The following DIP2C variants were observed in gnomAD, a reference collection of about 807,000 sequenced individuals.
DIP2C encodes the protein disco-interacting protein 2 homolog C.
In DIP2C, 33 loss-of-function variants were observed where a neutral mutation model predicts 192.4. The observed-to-expected ratio is 0.17, with a 90% CI of 0.13 to 0.23. The LOEUF is 0.23. Among genes scored for constraint, DIP2C ranks in the 10% least tolerant of loss-of-function variants. The pLI is 1.00. For missense variants in DIP2C, 1,537 were observed against 2,110.1 expected (o/e 0.73, Z 5.32); for synonymous variants, 979 against 864.1 (o/e 1.13, Z -2.33).
intron 1 of DIP2C, chr10:650,766 G>T: frequency 1.5e-6 from 1 of 661,980 alleles, no homozygotes; most frequent in Non-Finnish European, 2.8e-6. Context: ...AGTTTAAGTT[G>T]TTTTCTGTAA....
At chr10:639,295 G>GCCA (rs1855020037) in intron 1 of DIP2C, among the ~76,000 whole-genome samples, 1 of 145,774 alleles carries the variant, frequency 6.9e-6, no homozygotes, top group African/African-American at 2.6e-5. Context: ...GACGCGTCAG[G>GCCA]TCGGGAGGGT....
chr10:359,351 C>A (rs572335834), intron 22 of DIP2C, among the ~76,000 whole-genome samples: 2 of 152,316 alleles, frequency 1.3e-5, no homozygotes, highest in East Asian at 3.9e-4. Context: ...CAGGAGAAGG[C>A]ACGGCACTTC....
chr10:387,872 A>G lies in DIP2C; in HGVS notation c.1598-63T>C. 5 of 1,519,860 alleles carry G rather than the reference A, an allele frequency of 3.3e-6. 1 individual carries two copies. In the Admixed American group the frequency reaches 8.4e-5, roughly 25 times the overall value. 94.1% of individuals were successfully genotyped at this position (1,519,860 alleles called of 1,614,324 possible). ...ACAGGGCGGCAACAGATCAAAATGC[A>G]AACAAAATCCAATATTGCATCAGGG... On this transcript the variant is annotated intron_variant, in intron 13 of 36. Coordinates refer to ENST00000280886, the MANE Select transcript of DIP2C (RefSeq NM_014974.3).
intron 1 of DIP2C, among the ~76,000 whole-genome samples, chr10:500,441 G>T (rs1434986528): frequency 1.3e-5 from 2 of 152,222 alleles, no homozygotes; most frequent in African/African-American, 4.8e-5. Flanking sequence ...GCTTTCACTT[G>T]GCCCTTGTTT....
intron 1 of DIP2C, among the ~76,000 whole-genome samples, chr10:639,428 T>C (rs1270569731): frequency 3.5e-5 from 5 of 144,524 alleles, no homozygotes; most frequent in African/African-American, 7.7e-5. Flanking sequence ...GGTCCACACA[T>C]GGGGACGCGT....
Position 286,361 on chromosome 10 carries a change from G to A in DIP2C, c.4045-14C>T, listed in dbSNP as rs1554804505. 3.1e-6 allele frequency: 5 copies of A among 1,613,032 alleles called. No individual in the cohort carries two copies. The highest frequency in any genetic ancestry group is 3.4e-6 in the Non-Finnish European group (4 of 1,179,004). On this transcript the variant is annotated splice_polypyrimidine_tract_variant and intron_variant, in intron 33 of 36. Coordinates refer to ENST00000280886, the MANE Select transcript of DIP2C (RefSeq NM_014974.3). Reference sequence around the variant, plus strand: ...CCCTGGAAGTATCTATTTGGGAGAGGAAAAGTCTCTTGTCAATGGGAGGAA... The same window carrying A: ...CCCTGGAAGTATCTATTTGGGAGAGAAAAAGTCTCTTGTCAATGGGAGGAA...
At chr10:431,702 T>C (rs1002985515) in intron 4 of DIP2C, among the ~76,000 whole-genome samples, 3 of 152,272 alleles carry the variant, frequency 2.0e-5, no homozygotes, top group Admixed American at 6.5e-5. Context: ...CAAAGTTTTA[T>C]TTCTCTTCCC....
chr10:299,466 G>C (rs1955916227), intron 32 of DIP2C, among the ~76,000 whole-genome samples: 1 of 152,198 alleles, frequency 6.6e-6, no homozygotes, highest in African/African-American at 2.4e-5. Flanking sequence ...TTGAAGAATA[G>C]TGTCCCTGCC....
At chr10:619,429 G>A (rs930222205) in intron 1 of DIP2C, among the ~76,000 whole-genome samples, 10 of 150,944 alleles carry the variant, frequency 6.6e-5, no homozygotes, top group Middle Eastern at 3.4e-3. Flanking sequence ...TGGTCCTTAT[G>A]GCACCCACCA....
rs924890396 is a variant in DIP2C, at chr10:649,892, T to C, written c.85+39602A>G. The C allele has an allele frequency of 5.6e-5, 32 of 574,134 alleles. 1 individual carries two copies. In the African/African-American group the frequency reaches 5.8e-4, roughly 10 times the overall value. The allele number at this position is 574,134 out of a possible 1,614,324, so 35.6% of individuals were successfully genotyped here. On this transcript the variant is annotated intron_variant, in intron 1 of 36. Coordinates refer to ENST00000280886, the MANE Select transcript of DIP2C (RefSeq NM_014974.3). ...ATCAAACAGGTGCATGGTCCCCTTG[T>C]GGGGGGGTGCCCGTCACCTGCGTCC... is the stretch of plus-strand genomic sequence containing the variant.
At chr10:613,984 A>G (rs1853272515) in intron 1 of DIP2C, among the ~76,000 whole-genome samples, 2 of 152,116 alleles carry the variant, frequency 1.3e-5, no homozygotes, top group South Asian at 4.2e-4. Context: ...CACATACAGG[A>G]CCAGGAAACC....
intron 1 of DIP2C, among the ~76,000 whole-genome samples, chr10:580,293 A>G (rs190541786): frequency 6.6e-6 from 1 of 152,176 alleles, no homozygotes; most frequent in African/African-American, 2.4e-5. Context: ...CATATGCAGC[A>G]TGCGTACATT....
chr10:420,170 A>G (rs1450056224), intron 5 of DIP2C, among the ~76,000 whole-genome samples: 6 of 152,218 alleles, frequency 3.9e-5, no homozygotes, highest in Non-Finnish European at 5.9e-5. Flanking sequence ...GACGCTGCCC[A>G]TGTCCGCACC....
intron 1 of DIP2C, among the ~76,000 whole-genome samples, chr10:547,083 A>G (rs1367701176): frequency 1.3e-5 from 2 of 152,172 alleles, no homozygotes; most frequent in Non-Finnish European, 2.9e-5. Flanking sequence ...AGCTAAGATA[A>G]CCATCAAATC....
intron 1 of DIP2C, among the ~76,000 whole-genome samples, chr10:604,961 C>T (rs1852358851): frequency 6.6e-6 from 1 of 152,104 alleles, no homozygotes; most frequent in Admixed American, 6.5e-5. Context: ...CCCAAGGGTG[C>T]GGGGAAAAGG....
intron 1 of DIP2C, among the ~76,000 whole-genome samples, chr10:578,950 T>C (rs757099870): frequency 1.3e-5 from 2 of 152,002 alleles, no homozygotes; most frequent in South Asian, 2.1e-4. Flanking sequence ...TGTACGTGCA[T>C]AGAGCATTCA....
intron 1 of DIP2C, among the ~76,000 whole-genome samples, chr10:633,248 T>C (rs1666791573): frequency 6.6e-6 from 1 of 152,272 alleles, no homozygotes. Flanking sequence ...TACTTCACTG[T>C]TCTCTGTACC....
At chr10:619,220 C>T (rs1853673826) in intron 1 of DIP2C, among the ~76,000 whole-genome samples, 1 of 152,196 alleles carries the variant, frequency 6.6e-6, no homozygotes, top group Admixed American at 6.5e-5. Context: ...CGTGCACCTT[C>T]GTGGGCTAGT....
In DIP2C at chr10:650,393, GC is replaced by G. The variant is rs1356747608; in HGVS notation, c.85+39100del. 1.8e-5 allele frequency: 13 copies of G among 716,184 alleles called. No homozygotes were observed. In the Admixed American group the frequency reaches 2.6e-4, roughly 14 times the overall value. The allele number at this position is 716,184 out of a possible 1,614,324, so 44.4% of individuals were successfully genotyped here. On this transcript the variant is annotated intron_variant, in intron 1 of 36. Coordinates refer to ENST00000280886, the MANE Select transcript of DIP2C (RefSeq NM_014974.3). ...TAACGCCAGCCCACGGCAGCCACAC[GC>G]CCCAGACCAACACGAGAAGAACGCA...
Sources: gnomAD v4.1 joint callset for allele counts (sites outside exome capture counted in the v4.1 genomes callset) on GRCh38, gnomAD v4.1.1 for gene constraint, MANE v1.5 for transcripts, NCBI Gene and HGNC (gene_info 2026-07-23, HGNC 2026-07-21) for gene names.